ARHGAP26: variants seen among roughly 807,000 people sequenced by gnomAD.
ARHGAP26 encodes Rho GTPase activating protein 26.
A neutral mutation model predicts 104.8 loss-of-function variants in ARHGAP26; 38 were observed. The observed-to-expected ratio is 0.36, with a 90% CI of 0.28 to 0.48. The LOEUF (loss-of-function observed/expected upper bound fraction) is 0.48. Among genes scored for constraint, ARHGAP26 ranks in the 20% least tolerant of loss-of-function variants. ARHGAP26 has a pLI of 0.99. For missense variants in ARHGAP26, 704 were observed against 947.9 expected, an observed-to-expected ratio of 0.74 and a Z score of 3.38; for synonymous variants, 341 against 340.0, an observed-to-expected ratio of 1.00 and a Z score of -0.03.
intron 14 of ARHGAP26, among the ~76,000 whole-genome samples, chr5:143,044,801 G>A (rs1273989241): frequency 6.6e-6 from 1 of 152,176 alleles, no homozygotes; most frequent in Non-Finnish European, 1.5e-5. Flanking sequence ...GGAAAGACAT[G>A]GAGGAGGAAG....
At chr5:143,022,289 T>C (rs1004570471) in intron 12 of ARHGAP26, among the ~76,000 whole-genome samples, 2 of 152,176 alleles carry the variant, frequency 1.3e-5, no homozygotes, top group Admixed American at 1.3e-4. Flanking sequence ...GCCAGGCTGG[T>C]CTCGGACTCC....
intron 20 of ARHGAP26, among the ~76,000 whole-genome samples, chr5:143,197,561 TTG>T (rs1209086815): frequency 6.6e-6 from 1 of 152,218 alleles, no homozygotes; most frequent in East Asian, 1.9e-4. Flanking sequence ...TCCCACTTGG[TTG>T]TGTTTTACTC....
chr5:142,832,368 C>G (rs13182153), intron 1 of ARHGAP26, among the ~76,000 whole-genome samples: 2 of 152,114 alleles, frequency 1.3e-5, no homozygotes, highest in South Asian at 4.1e-4. Flanking sequence ...AAGAGACAAC[C>G]GAGAGCAGGC....
chr5:142,919,913 A>G (rs924714090), intron 10 of ARHGAP26, among the ~76,000 whole-genome samples: 1 of 152,104 alleles, frequency 6.6e-6, no homozygotes, highest in Non-Finnish European at 1.5e-5. Flanking sequence ...AGGCAGAAGA[A>G]TTTGCTTGAA....
At chr5:143,144,920 T>C (rs1032632242) in intron 19 of ARHGAP26, among the ~76,000 whole-genome samples, 2 of 152,230 alleles carry the variant, frequency 1.3e-5, no homozygotes, top group African/African-American at 4.8e-5. Flanking sequence ...TTATGTGTTG[T>C]CTACAGATGA....
intron 16 of ARHGAP26, among the ~76,000 whole-genome samples, chr5:143,056,617 G>T (rs1352482403): frequency 6.6e-6 from 1 of 151,944 alleles, no homozygotes; most frequent in Non-Finnish European, 1.5e-5. Flanking sequence ...CATATTACTG[G>T]TATTAAAATA....
chr5:142,877,841 G>A (rs1233508500), intron 3 of ARHGAP26, among the ~76,000 whole-genome samples: 2 of 152,188 alleles, frequency 1.3e-5, no homozygotes, highest in Non-Finnish European at 2.9e-5. Flanking sequence ...TGTAGTTAAG[G>A]TTGAGAATCA....
chr5:143,130,496 C>T (rs1489870287), intron 18 of ARHGAP26, among the ~76,000 whole-genome samples: 1 of 152,162 alleles, frequency 6.6e-6, no homozygotes, highest in African/African-American at 2.4e-5. Context: ...CATGGTAGAG[C>T]TCCATAAATC....
At chr5:142,830,093 A>C (rs71590918) in intron 1 of ARHGAP26, among the ~76,000 whole-genome samples, 1,741 of 152,308 alleles carry the variant, frequency 0.011, 39 homozygotes, top group African/African-American at 0.038. Flanking sequence ...TCATTTCCCT[A>C]GAATGTTGGC....
intron 6 of ARHGAP26, among the ~76,000 whole-genome samples, chr5:142,899,381 AAAT>A (rs1759946643): frequency 6.6e-6 from 1 of 152,218 alleles, no homozygotes; most frequent in Non-Finnish European, 1.5e-5. Context: ...AAAATGAAAA[AAAT>A]AAATTATGTT....
intron 17 of ARHGAP26, among the ~76,000 whole-genome samples, chr5:143,092,444 G>A (rs1050916590): frequency 3.3e-5 from 5 of 152,086 alleles, no homozygotes; most frequent in Non-Finnish European, 5.9e-5. Context: ...GATTACAGGC[G>A]TGAGCCACTG....
intron 18 of ARHGAP26, among the ~76,000 whole-genome samples, chr5:143,124,545 G>C (rs1200281533): frequency 6.6e-6 from 1 of 152,202 alleles, no homozygotes; most frequent in East Asian, 1.9e-4. Flanking sequence ...GGTACTAGGT[G>C]TTGACCAGAA....
chr5:143,214,375 G>C (rs552993623), intron 22 of ARHGAP26, among the ~76,000 whole-genome samples: 71 of 152,214 alleles, frequency 4.7e-4, no homozygotes, highest in Middle Eastern at 6.8e-3. Context: ...CCCAGCCCAG[G>C]ACCTGGAAGT....
chr5:142,969,631 G>A (rs1305170942), intron 11 of ARHGAP26, among the ~76,000 whole-genome samples: 1 of 152,228 alleles, frequency 6.6e-6, no homozygotes, highest in Non-Finnish European at 1.5e-5. Context: ...GAAGAGCAAT[G>A]AAATATTAGA....
At chr5:142,933,226 G>A (rs1278104918) in intron 11 of ARHGAP26, among the ~76,000 whole-genome samples, 1 of 152,192 alleles carries the variant, frequency 6.6e-6, no homozygotes, top group Non-Finnish European at 1.5e-5. Flanking sequence ...AGCTTCCTAA[G>A]TAGGTCTTTC....
chr5:142,857,170 C>G (rs58042104), intron 1 of ARHGAP26, among the ~76,000 whole-genome samples: 2,455 of 152,192 alleles, frequency 0.016, 67 homozygotes, highest in African/African-American at 0.056. Context: ...ATTTAGGACC[C>G]GTCCTAGTCC....
chr5:142,820,022 T>C (rs951229606), intron 1 of ARHGAP26, among the ~76,000 whole-genome samples: 2 of 152,106 alleles, frequency 1.3e-5, no homozygotes, highest in African/African-American at 4.8e-5. Context: ...GGAGAGTGAG[T>C]CATCGCTTGG....
At chr5:143,100,965 T>G (rs534720253) in intron 17 of ARHGAP26, among the ~76,000 whole-genome samples, 103 of 152,244 alleles carry the variant, frequency 6.8e-4, no homozygotes, top group African/African-American at 2.4e-3. Flanking sequence ...TGGTGACGTG[T>G]GCCTGTAATC....
chr5:142,873,309 A>C (rs1755607402), intron 1 of ARHGAP26, 91 bp from the exon 2 acceptor site: 1 of 879,104 alleles, frequency 1.1e-6, no homozygotes, highest in Non-Finnish European at 1.8e-6. Context: ...CCGCCTCCTA[A>C]GATATTCCTA....
Sources: allele counts gnomAD v4.1 joint callset (sites outside exome capture counted in the v4.1 genomes callset), GRCh38; gene constraint gnomAD v4.1.1; transcripts MANE v1.5; gene names NCBI Gene and HGNC (gene_info 2026-07-23, HGNC 2026-07-21).